The following SLC44A1 variants were observed in gnomAD, a reference collection of about 807,000 sequenced individuals.
The protein encoded by SLC44A1 is solute carrier family 44 member 1.
SLC44A1 carries 26 observed loss-of-function variants against 79.3 expected under a neutral mutation model. That is an observed-to-expected ratio of 0.33 (90% CI 0.24 to 0.46). The LOEUF is 0.46. SLC44A1 is among the 20% of genes least tolerant of loss of function. The pLI is 1.00. For synonymous variants in SLC44A1, 263 were observed against 286.2 expected (o/e 0.92, Z 0.82); for missense variants, 688 against 798.1 (o/e 0.86, Z 1.66).
At chr9:105,303,741 A>ATT (rs1564425513) in intron 2 of SLC44A1, among the ~76,000 whole-genome samples, 1 of 152,198 alleles carries the variant, frequency 6.6e-6, no homozygotes, top group Non-Finnish European at 1.5e-5. Context: ...GTTGCCTGGA[A>ATT]TTGAGGACAA....
chr9:105,315,804 C>T (rs1206561319), intron 3 of SLC44A1, among the ~76,000 whole-genome samples: 1 of 152,190 alleles, frequency 6.6e-6, no homozygotes, highest in African/African-American at 2.4e-5. Context: ...ATCCTCTTAT[C>T]AGCTAAGCAC....
At chr9:105,276,773 A>C (rs984146265) in intron 1 of SLC44A1, among the ~76,000 whole-genome samples, 6 of 152,166 alleles carry the variant, frequency 3.9e-5, no homozygotes, top group Non-Finnish European at 5.9e-5. Flanking sequence ...AGCATCAAGA[A>C]AACCAGAGTG....
intron 15 of SLC44A1, among the ~76,000 whole-genome samples, chr9:105,423,176 C>T (rs1332697886): frequency 6.6e-6 from 1 of 152,166 alleles, no homozygotes; most frequent in Non-Finnish European, 1.5e-5. Context: ...CGTGGTGGCT[C>T]ACGCCTGTAA....
At chr9:105,419,765 A>G (rs1829219868) in intron 15 of SLC44A1, among the ~76,000 whole-genome samples, 1 of 151,920 alleles carries the variant, frequency 6.6e-6, no homozygotes, top group African/African-American at 2.4e-5. Flanking sequence ...AAATACAAAA[A>G]TTAGCCGGGC....
At chr9:105,431,769 C>G (rs1564061653) in intron 15 of SLC44A1, among the ~76,000 whole-genome samples, 1 of 152,180 alleles carries the variant, frequency 6.6e-6, no homozygotes, top group African/African-American at 2.4e-5. Flanking sequence ...TCTCAGCACC[C>G]TCAAAATCAC....
chr9:105,248,510 A>G (rs1829508182), intron 1 of SLC44A1, among the ~76,000 whole-genome samples: 1 of 152,248 alleles, frequency 6.6e-6, no homozygotes, highest in Non-Finnish European at 1.5e-5. Context: ...ATGTACATCT[A>G]GGATCTTAAA....
At chr9:105,252,602 T>TAATGGACCAGTCAGGAA (rs1829615328) in intron 1 of SLC44A1, among the ~76,000 whole-genome samples, 1 of 152,206 alleles carries the variant, frequency 6.6e-6, no homozygotes, top group Admixed American at 6.5e-5. Context: ...AAAGGGCTAG[T>TAATGGACCAGTCAGGAA]GCGCTCAAGT....
chr9:105,378,955 G>A (rs1828376381), intron 13 of SLC44A1, among the ~76,000 whole-genome samples: 1 of 152,170 alleles, frequency 6.6e-6, no homozygotes, highest in Admixed American at 6.5e-5. Context: ...TCTAATCCCA[G>A]AAGATTAATT....
intron 1 of SLC44A1, among the ~76,000 whole-genome samples, chr9:105,248,643 T>G (rs1000103263): frequency 6.6e-6 from 1 of 152,246 alleles, no homozygotes; most frequent in African/African-American, 2.4e-5. Context: ...GGACAGTCTT[T>G]GCCTAAAAGT....
chr9:105,304,434 T>C (rs1403166784), intron 2 of SLC44A1, among the ~76,000 whole-genome samples: 1 of 152,242 alleles, frequency 6.6e-6, no homozygotes, highest in Non-Finnish European at 1.5e-5. Flanking sequence ...TACTTATTAA[T>C]GTACCTAACA....
intron 4 of SLC44A1, among the ~76,000 whole-genome samples, chr9:105,346,871 C>T (rs12380580): frequency 0.017 from 2,568 of 152,052 alleles, 23 homozygotes; most frequent in Middle Eastern, 0.048. Context: ...TTGTAATTAT[C>T]GCTTTAAAAA....
rs1410143640 is a variant in SLC44A1 at position 105,389,936 on chromosome 9, C to G, written c.*880C>G. Reference sequence around the variant, plus strand: ...AATGCTGGGAGGAATAAAGAAGGGACAGAAACATGGAACATAAAGCATTGA... The same window carrying G: ...AATGCTGGGAGGAATAAAGAAGGGAGAGAAACATGGAACATAAAGCATTGA... On this transcript the variant is annotated 3_prime_UTR_variant, in exon 16 of 16. Coordinates refer to ENST00000374720, the MANE Select transcript of SLC44A1 (RefSeq NM_080546.5). 27 of 1,512,098 alleles carry G rather than the reference C, an allele frequency of 1.8e-5. No homozygotes were observed. Among genetic ancestry groups the G allele is most frequent in the Non-Finnish European group, 2.2e-5 (25 of 1,131,500 alleles). 93.7% of individuals were successfully genotyped at this position (1,512,098 alleles called of 1,614,324 possible).
At chr9:105,334,706 A>G (rs1025029246) in intron 3 of SLC44A1, among the ~76,000 whole-genome samples, 4 of 152,184 alleles carry the variant, frequency 2.6e-5, no homozygotes, top group Non-Finnish European at 5.9e-5. Flanking sequence ...TCTTTGAGCA[A>G]ATGTTAGCAT....
chr9:105,336,339 A>G (rs1489583343), intron 4 of SLC44A1, among the ~76,000 whole-genome samples: 1 of 152,110 alleles, frequency 6.6e-6, no homozygotes, highest in Non-Finnish European at 1.5e-5. Flanking sequence ...TTTTTCTGAT[A>G]ATAATTGTGA....
intron 13 of SLC44A1, among the ~76,000 whole-genome samples, chr9:105,379,548 AC>A (rs1234163911): frequency 6.6e-6 from 1 of 152,184 alleles, no homozygotes; most frequent in Non-Finnish European, 1.5e-5. Context: ...ATTCACAATT[AC>A]CTCTAAATTT....
chr9:105,275,030 A>G (rs922214061), intron 1 of SLC44A1, among the ~76,000 whole-genome samples: 3 of 148,650 alleles, frequency 2.0e-5, no homozygotes, highest in African/African-American at 7.3e-5. Context: ...TTAAATTCTT[A>G]ACAATAATGA....
chr9:105,292,997 T>TA lies in SLC44A1; in HGVS notation c.37-6213dup, dbSNP rs984410591. On this transcript the variant is annotated intron_variant, in intron 1 of 15. Transcript: ENST00000374720. The stretch of plus-strand genomic sequence containing the variant: ...GCAACATGGTGAAACCCAATCCATT[T>TA]AAAAAAAAAATTAACAGAGCATGGT... Among the ~76,000 whole-genome samples, 25 of 150,890 alleles carry TA rather than the reference T, an allele frequency of 1.7e-4. No homozygotes were observed. The East Asian group carries it at 2.1e-3, about 13-fold the overall frequency.
At chr9:105,436,319 C>G (rs1243359590) in intron 15 of SLC44A1, among the ~76,000 whole-genome samples, 1 of 152,200 alleles carries the variant, frequency 6.6e-6, no homozygotes, top group South Asian at 2.1e-4. Context: ...TGATCATAAC[C>G]AAGCAACAAT....
chr9:105,397,425 CA>C, downstream of SLC44A1: 1 of 893,902 alleles, frequency 1.1e-6, no homozygotes, highest in Non-Finnish European at 1.3e-6. Flanking sequence ...ATCTTCGTTT[CA>C]AATTAGGTCA....
Sources: allele counts gnomAD v4.1 joint callset (sites outside exome capture counted in the v4.1 genomes callset), GRCh38; gene constraint gnomAD v4.1.1; transcripts MANE v1.5; gene names NCBI Gene and HGNC (gene_info 2026-07-23, HGNC 2026-07-21).